Variants in DIS3L2 observed in about 807,000 individuals in gnomAD.
DIS3L2 encodes DIS3-like exonuclease 2.
A neutral mutation model predicts 97.5 loss-of-function variants in DIS3L2; 34 were observed. That is an observed-to-expected ratio of 0.35 (90% CI 0.27 to 0.46). The LOEUF (loss-of-function observed/expected upper bound fraction) is 0.46. Among genes scored for constraint, DIS3L2 ranks in the 20% least tolerant of loss-of-function variants. DIS3L2 has a pLI of 1.00. For missense variants in DIS3L2, 1,038 were observed against 1,146.0 expected (o/e 0.91, Z 1.36); for synonymous variants, 435 against 445.2 (o/e 0.98, Z 0.29).
At chr2:232,097,977 A>G (rs564865268) in intron 6 of DIS3L2, among the ~76,000 whole-genome samples, 2 of 152,264 alleles carry the variant, frequency 1.3e-5, no homozygotes, top group African/African-American at 4.8e-5. Context: ...GATGAGTCCT[A>G]CCGTGACTGA....
chr2:231,984,615 G>A (rs1017275703), intron 1 of DIS3L2, among the ~76,000 whole-genome samples: 17 of 151,366 alleles, frequency 1.1e-4, no homozygotes, highest in Non-Finnish European at 1.8e-4. Context: ...GGATGGTCTC[G>A]ATCTCCTGAC....
At chr2:232,025,257 TA>T (rs1239577342) in intron 4 of DIS3L2, among the ~76,000 whole-genome samples, 1 of 152,166 alleles carries the variant, frequency 6.6e-6, no homozygotes, top group Non-Finnish European at 1.5e-5. Context: ...TTGGAATATT[TA>T]CATTACATAC....
chr2:232,075,996 G>GT (rs1240243644), intron 5 of DIS3L2, among the ~76,000 whole-genome samples: 1 of 152,162 alleles, frequency 6.6e-6, no homozygotes, highest in Non-Finnish European at 1.5e-5. Flanking sequence ...GGCATTGCAG[G>GT]TAAGTGCAGA....
At chr2:231,974,446 T>A (rs1399386276) in intron 1 of DIS3L2, among the ~76,000 whole-genome samples, 1 of 150,666 alleles carries the variant, frequency 6.6e-6, no homozygotes, top group Non-Finnish European at 1.5e-5. Flanking sequence ...AAGTTCCTAA[T>A]TTTTTTTTTC....
intron 5 of DIS3L2, among the ~76,000 whole-genome samples, chr2:232,075,818 T>G (rs926048380): frequency 6.6e-6 from 1 of 152,236 alleles, no homozygotes; most frequent in African/African-American, 2.4e-5. Flanking sequence ...TGTACTGTTA[T>G]TATTAAATCC....
chr2:232,059,106 A>G (rs1695629658), intron 5 of DIS3L2, among the ~76,000 whole-genome samples: 1 of 152,220 alleles, frequency 6.6e-6, no homozygotes, highest in South Asian at 2.1e-4. Flanking sequence ...TTTAGAAGTC[A>G]GCTGTAAAAA....
chr2:232,036,659 A>G (rs1240351083), intron 5 of DIS3L2, among the ~76,000 whole-genome samples: 1 of 152,054 alleles, frequency 6.6e-6, no homozygotes, highest in Non-Finnish European at 1.5e-5. Context: ...TTGTGGATTT[A>G]TTTACCCTTG....
At chr2:232,023,839 C>G (rs976384865) in intron 3 of DIS3L2, among the ~76,000 whole-genome samples, 5 of 152,094 alleles carry the variant, frequency 3.3e-5, no homozygotes, top group Admixed American at 1.3e-4. Flanking sequence ...ACCTGTACCA[C>G]TTTGAAAATT....
At chr2:232,013,425 G>A (rs1017866683) in intron 1 of DIS3L2, among the ~76,000 whole-genome samples, 4 of 152,114 alleles carry the variant, frequency 2.6e-5, no homozygotes, top group African/African-American at 9.7e-5. Context: ...CTTCATATAG[G>A]CTGGACTCTA....
At chr2:232,103,512 A>G (rs1227110132) in intron 6 of DIS3L2, among the ~76,000 whole-genome samples, 1 of 152,182 alleles carries the variant, frequency 6.6e-6, no homozygotes. Context: ...ATAATATTGA[A>G]TAATTCTTGC....
At chr2:232,181,324 C>T (rs952922942) in intron 9 of DIS3L2, among the ~76,000 whole-genome samples, 9 of 152,012 alleles carry the variant, frequency 5.9e-5, no homozygotes, top group South Asian at 2.1e-4. Context: ...ATCTTTGTGG[C>T]GTTCTCTGTA....
intron 11 of DIS3L2, among the ~76,000 whole-genome samples, chr2:232,248,147 G>A (rs577039148): frequency 2.6e-5 from 4 of 152,146 alleles, no homozygotes; most frequent in Non-Finnish European, 5.9e-5. Context: ...GATACTTCAC[G>A]CAGAATAAGA....
intron 14 of DIS3L2, among the ~76,000 whole-genome samples, chr2:232,308,449 A>T (rs1282057092): frequency 1.3e-5 from 2 of 152,208 alleles, no homozygotes; most frequent in African/African-American, 4.8e-5. Flanking sequence ...GCTAAACTTA[A>T]CAAGAGAAAA....
At chr2:232,128,100 A>G (rs1168126116) in intron 6 of DIS3L2, among the ~76,000 whole-genome samples, 2 of 151,590 alleles carry the variant, frequency 1.3e-5, no homozygotes, top group East Asian at 1.9e-4. Flanking sequence ...ACAGGTGTAC[A>G]CCATCACACC....
intron 9 of DIS3L2, among the ~76,000 whole-genome samples, chr2:232,174,701 C>T (rs945084565): frequency 5.3e-5 from 8 of 151,118 alleles, no homozygotes; most frequent in African/African-American, 1.9e-4. Flanking sequence ...CTCTTCCTTT[C>T]TAATTTAGAT....
At chr2:232,120,266 A>C (rs556894256) in intron 6 of DIS3L2, among the ~76,000 whole-genome samples, 1 of 152,278 alleles carries the variant, frequency 6.6e-6, no homozygotes, top group South Asian at 2.1e-4. Context: ...TGCCGTTTGG[A>C]TTCTGAAGGT....
At chr2:232,106,608 A>G (rs1417597453) in intron 6 of DIS3L2, among the ~76,000 whole-genome samples, 1 of 152,328 alleles carries the variant, frequency 6.6e-6, no homozygotes, top group Admixed American at 6.5e-5. Flanking sequence ...TTATAAAGCA[A>G]CCTCTTAGAG....
At chr2:232,002,907 ATTATCT>A (rs1693950294) in intron 1 of DIS3L2, among the ~76,000 whole-genome samples, 1 of 152,128 alleles carries the variant, frequency 6.6e-6, no homozygotes, top group Admixed American at 6.5e-5. Flanking sequence ...CATACCATAG[ATTATCT>A]TTTAGTTAAT....
intron 13 of DIS3L2, among the ~76,000 whole-genome samples, chr2:232,289,595 A>G (rs1472061550): frequency 6.6e-6 from 1 of 152,188 alleles, no homozygotes; most frequent in Non-Finnish European, 1.5e-5. Flanking sequence ...TTATAAGGCT[A>G]TTTCTTAAGA....
Sources: gnomAD v4.1 joint callset for allele counts (sites outside exome capture counted in the v4.1 genomes callset) on GRCh38, gnomAD v4.1.1 for gene constraint, MANE v1.5 for transcripts, NCBI Gene and HGNC (gene_info 2026-07-23, HGNC 2026-07-21) for gene names.